LIMS1: variants seen among roughly 807,000 people sequenced by gnomAD.
The protein encoded by LIMS1 is LIM zinc finger domain containing 1.
LIMS1 carries 18 observed loss-of-function variants against 44.1 expected under a neutral mutation model. That is an observed-to-expected ratio of 0.41 (90% CI 0.28 to 0.61). The LOEUF is 0.61. Among genes scored for constraint, LIMS1 ranks in the 20% least tolerant of loss-of-function variants. LIMS1 has a pLI of 0.32. For synonymous variants in LIMS1, 93 were observed against 149.1 expected (o/e 0.62, Z 2.74); for missense variants, 201 against 422.0 (o/e 0.48, Z 4.59).
At chr2:108,580,330 C>T (rs566966296) in intron 1 of LIMS1, among the ~76,000 whole-genome samples, 26 of 152,160 alleles carry the variant, frequency 1.7e-4, no homozygotes, top group African/African-American at 6.3e-4. Flanking sequence ...GTCCATAGTC[C>T]AAATGGACCA....
intron 1 of LIMS1, among the ~76,000 whole-genome samples, chr2:108,627,814 A>T (rs1245542530): frequency 2.6e-5 from 4 of 152,216 alleles, no homozygotes; most frequent in African/African-American, 4.8e-5. Context: ...TTTCTTATTT[A>T]AAAAAATCTT....
chr2:108,546,727 A>G (rs944041744), intron 1 of LIMS1, among the ~76,000 whole-genome samples: 2 of 150,380 alleles, frequency 1.3e-5, no homozygotes, highest in Non-Finnish European at 2.9e-5. Context: ...TATGTTAAAT[A>G]TCATACAGAC....
intron 1 of LIMS1, among the ~76,000 whole-genome samples, chr2:108,594,495 A>C (rs544949777): frequency 1.3e-5 from 2 of 152,192 alleles, no homozygotes; most frequent in South Asian, 4.1e-4. Context: ...CTGCAAATGA[A>C]GAAAGTTGGC....
intron 1 of LIMS1, among the ~76,000 whole-genome samples, chr2:108,549,234 A>G (rs1392933587): frequency 6.7e-6 from 1 of 148,910 alleles, no homozygotes; most frequent in East Asian, 1.9e-4. Flanking sequence ...TTGACATTAA[A>G]TTAGACATGG....
rs371457846 is a variant in LIMS1 at position 108,634,343 on chromosome 2, G to A, written c.33-25262G>A. On this transcript the variant is annotated intron_variant, in intron 1 of 9. Transcript: ENST00000544547. ...CTATACCAATGGGGAATGGGAGAGA[G>A]GTAGATAATGAGGAAAGAGAAGAAA... Among the ~76,000 whole-genome samples, 7 of 152,180 alleles carry A rather than the reference G, an allele frequency of 4.6e-5. No homozygotes were observed. In the East Asian group the frequency reaches 1.3e-3, roughly 29 times the overall value.
chr2:108,607,131 A>G, intron 1 of LIMS1: 1 of 1,278,806 alleles, frequency 7.8e-7, no homozygotes, highest in East Asian at 2.5e-5. Context: ...AAATAGGCCC[A>G]AGGGAGCCTG....
At chr2:108,569,751 C>T (rs1685417584) in intron 1 of LIMS1, among the ~76,000 whole-genome samples, 1 of 132,744 alleles carries the variant, frequency 7.5e-6, no homozygotes, top group Non-Finnish European at 1.6e-5. Context: ...CAAACACTCA[C>T]CGCCATATCT....
chr2:108,642,729 C>G (rs545064331), intron 1 of LIMS1, among the ~76,000 whole-genome samples: 6 of 152,244 alleles, frequency 3.9e-5, no homozygotes, highest in African/African-American at 1.2e-4. Flanking sequence ...TTATTCAGGC[C>G]TTAATTATTT....
chr2:108,562,413 A>G (rs1410193157), intron 1 of LIMS1, among the ~76,000 whole-genome samples: 1 of 152,218 alleles, frequency 6.6e-6, no homozygotes, highest in African/African-American at 2.4e-5. Context: ...AATACAAAGG[A>G]AAAGTTCTTG....
At chr2:108,649,593 C>G (rs1035409447) in intron 1 of LIMS1, among the ~76,000 whole-genome samples, 1 of 152,140 alleles carries the variant, frequency 6.6e-6, no homozygotes, top group Non-Finnish European at 1.5e-5. Context: ...CAATCATAGA[C>G]TGGATAAAGA....
At chr2:108,650,126 C>A (rs1000527170) in intron 1 of LIMS1, among the ~76,000 whole-genome samples, 1 of 152,210 alleles carries the variant, frequency 6.6e-6, no homozygotes, top group Non-Finnish European at 1.5e-5. Context: ...TCCCACCCTA[C>A]TTCAATGGCT....
intron 1 of LIMS1, among the ~76,000 whole-genome samples, chr2:108,585,425 G>A (rs1012653694): frequency 1.4e-5 from 2 of 146,820 alleles, no homozygotes; most frequent in Non-Finnish European, 2.9e-5. Context: ...ATTTAGGCAT[G>A]GTGGGGAGGG....
chr2:108,626,871 A>G (rs1356605386), intron 1 of LIMS1, among the ~76,000 whole-genome samples: 2 of 152,234 alleles, frequency 1.3e-5, no homozygotes, highest in African/African-American at 4.8e-5. Flanking sequence ...TGTATTTTTC[A>G]GTCATCTAAA....
At chr2:108,643,992 C>A (rs1249636987) in intron 1 of LIMS1, among the ~76,000 whole-genome samples, 6 of 152,122 alleles carry the variant, frequency 3.9e-5, no homozygotes, top group Admixed American at 2.0e-4. Context: ...GGTAGGGCAT[C>A]TCTGAAAAAA....
chr2:108,534,828 C>T (rs1168035182), intron 1 of LIMS1, among the ~76,000 whole-genome samples: 1 of 151,834 alleles, frequency 6.6e-6, no homozygotes, highest in Non-Finnish European at 1.5e-5. Context: ...CAGGCGCTGA[C>T]GCCGCCCCGC....
chr2:108,595,070 T>TG (rs1203457865), intron 1 of LIMS1, among the ~76,000 whole-genome samples: 1 of 152,176 alleles, frequency 6.6e-6, no homozygotes, highest in African/African-American at 2.4e-5. Context: ...GACCATATCA[T>TG]GCAAGGACAT....
chr2:108,548,067 G>T (rs1287132369), intron 1 of LIMS1, among the ~76,000 whole-genome samples: 1 of 152,190 alleles, frequency 6.6e-6, no homozygotes, highest in Non-Finnish European at 1.5e-5. Context: ...CTAGCCCCAT[G>T]AAATCTGGAA....
chr2:108,554,749 A>G (rs1462139442), intron 1 of LIMS1, among the ~76,000 whole-genome samples: 1 of 152,178 alleles, frequency 6.6e-6, no homozygotes, highest in East Asian at 1.9e-4. Context: ...TGACGCTCTC[A>G]GGAGGCGGCC....
At chr2:108,631,550 CTT>C (rs67517304) in intron 1 of LIMS1, among the ~76,000 whole-genome samples, 36 of 143,082 alleles carry the variant, frequency 2.5e-4, no homozygotes, top group Non-Finnish European at 3.2e-4. Flanking sequence ...ACCGTGTTGC[CTT>C]TTTTTTTTTT....
Sources: gnomAD v4.1 joint callset for allele counts (sites outside exome capture counted in the v4.1 genomes callset) on GRCh38, gnomAD v4.1.1 for gene constraint, MANE v1.5 for transcripts, NCBI Gene and HGNC (gene_info 2026-07-23, HGNC 2026-07-21) for gene names.